WWOX: variants seen among roughly 807,000 people sequenced by gnomAD.
WWOX encodes the protein WW domain-containing oxidoreductase.
Under a neutral mutation model 46.2 loss-of-function variants are expected in WWOX, and 69 were observed. The observed-to-expected ratio is 1.49, with a 90% CI of 1.23 to 1.82. The LOEUF is 1.82. WWOX is among the 40% of genes most tolerant of loss of function. WWOX has a pLI of 0.00. For missense variants in WWOX, 919 were observed against 542.6 expected (o/e 1.69, Z -6.89); for synonymous variants, 359 against 202.6 (o/e 1.77, Z -6.56).
At chr16:78,169,168 C>G (rs1415878036) in intron 5 of WWOX, among the ~76,000 whole-genome samples, 2 of 152,268 alleles carry the variant, frequency 1.3e-5, no homozygotes, top group South Asian at 2.1e-4. Flanking sequence ...ACACTGGTGC[C>G]CTCACCTCTT....
intron 8 of WWOX, among the ~76,000 whole-genome samples, chr16:79,165,145 C>G (rs556375389): frequency 1.0e-5 from 1 of 99,990 alleles, no homozygotes; most frequent in Non-Finnish European, 1.9e-5. Context: ...CAGATTAAAA[C>G]GAAGGAAAAA....
intron 8 of WWOX, among the ~76,000 whole-genome samples, chr16:78,865,109 C>G (rs936763502): frequency 4.6e-5 from 7 of 151,956 alleles, no homozygotes; most frequent in Admixed American, 1.3e-4. Context: ...GTTAAACACC[C>G]TTATTAACAT....
chr16:78,899,851 A>G (rs957902594), intron 8 of WWOX, among the ~76,000 whole-genome samples: 3 of 152,164 alleles, frequency 2.0e-5, no homozygotes, highest in African/African-American at 7.2e-5. Flanking sequence ...ACTGGCTCCT[A>G]AGGTTCAGGT....
At chr16:79,125,417 A>G (rs1349280534) in intron 8 of WWOX, among the ~76,000 whole-genome samples, 1 of 152,208 alleles carries the variant, frequency 6.6e-6, no homozygotes, top group African/African-American at 2.4e-5. Context: ...GCCTTTGAAG[A>G]GAGTGCATTA....
chr16:79,094,042 A>T (rs1174510139), intron 8 of WWOX, among the ~76,000 whole-genome samples: 1 of 152,172 alleles, frequency 6.6e-6, no homozygotes, highest in African/African-American at 2.4e-5. Flanking sequence ...GGTCACTCAG[A>T]AGTAGTGGCA....
chr16:78,422,700 C>CACAT lies in WWOX; in HGVS notation c.606-2169_606-2168insCATA, dbSNP rs1265868420. Among the ~76,000 whole-genome samples the CACAT allele has an allele frequency of 5.4e-4, 22 of 40,410 alleles. 1 individual carries two copies. Among genetic ancestry groups the CACAT allele is most frequent in the East Asian group, 4.3e-3 (8 of 1,878 alleles). 26.5% of individuals were successfully genotyped at this position (40,410 alleles called of 152,430 possible). A position where few individuals can be genotyped will look rare whatever the true frequency, so the allele number is the denominator to read the frequency against. On this transcript the variant is annotated intron_variant, in intron 6 of 8. Transcript: ENST00000566780. ...ATATATATATACACACACACACACA[C>CACAT]ATATATATATACACACACACATATA...
chr16:78,524,742 A>G (rs183329538), intron 8 of WWOX, among the ~76,000 whole-genome samples: 24 of 151,672 alleles, frequency 1.6e-4, no homozygotes, highest in African/African-American at 5.3e-4. Context: ...TTAAGTAACA[A>G]AGTATTAGCA....
chr16:78,400,059 T>C (rs916954961), intron 6 of WWOX, among the ~76,000 whole-genome samples: 3 of 152,216 alleles, frequency 2.0e-5, no homozygotes, highest in Admixed American at 2.0e-4. Context: ...TTTTGAAGAA[T>C]CTATTGCATA....
chr16:78,939,623 A>C (rs2045811534), intron 8 of WWOX, among the ~76,000 whole-genome samples: 1 of 152,272 alleles, frequency 6.6e-6, no homozygotes, highest in African/African-American at 2.4e-5. Context: ...CACATGGTCA[A>C]ATTATTCAAT....
intron 8 of WWOX, among the ~76,000 whole-genome samples, chr16:79,163,814 A>AG (rs2050535898): frequency 4.1e-5 from 6 of 146,906 alleles, no homozygotes; most frequent in East Asian, 2.0e-4. Context: ...AAAAAAAAAA[A>AG]AAAGAGAGAG....
intron 5 of WWOX, among the ~76,000 whole-genome samples, chr16:78,251,678 A>C (rs1315511052): frequency 6.6e-6 from 1 of 152,174 alleles, no homozygotes; most frequent in Admixed American, 6.5e-5. Context: ...ATGCTTTGGG[A>C]ACACATGGTG....
At chr16:78,951,446 C>A (rs554365168) in intron 8 of WWOX, among the ~76,000 whole-genome samples, 68 of 152,148 alleles carry the variant, frequency 4.5e-4, no homozygotes, top group Non-Finnish European at 7.8e-4. Flanking sequence ...ATAAAGACCA[C>A]CTTAGAGCAT....
At position 78,719,246 on chromosome 16, in the gene WWOX, G is replaced by A. The variant is rs74029937; in HGVS notation, c.1056+286494G>A. On this transcript the variant is annotated intron_variant, in intron 8 of 8. Coordinates refer to ENST00000566780, the MANE Select transcript of WWOX (RefSeq NM_016373.4). ...GTGTTTAGCACACAGCCTGGCATAC[G>A]AACTTCCACACAAAACGGGTGACCA... Among the ~76,000 whole-genome samples the A allele has an allele frequency of 4.3e-3, 657 of 152,282 alleles. 3 individuals carry two copies. The highest frequency in any genetic ancestry group is 0.015 in the African/African-American group (604 of 41,562).
intron 8 of WWOX, among the ~76,000 whole-genome samples, chr16:78,807,563 A>T (rs903020951): frequency 6.6e-6 from 1 of 152,244 alleles, no homozygotes; most frequent in Non-Finnish European, 1.5e-5. Context: ...ACCTGATTCA[A>T]ATGTGGCAAA....
At chr16:78,458,494 C>T (rs1026330287) in intron 8 of WWOX, among the ~76,000 whole-genome samples, 3 of 152,056 alleles carry the variant, frequency 2.0e-5, no homozygotes, top group Non-Finnish European at 4.4e-5. Context: ...CTCCTGTGCT[C>T]AAGCCATCCT....
chr16:78,745,874 T>C (rs779870341), intron 8 of WWOX, among the ~76,000 whole-genome samples: 1 of 133,452 alleles, frequency 7.5e-6, no homozygotes, highest in Non-Finnish European at 1.7e-5. Context: ...AAAAGCACAT[T>C]GTATTTTAAT....
chr16:78,254,506 T>TTTTTTTG lies in WWOX; in HGVS notation c.516+90223_516+90224insGTTTTTT, dbSNP rs2038074394. Among the ~76,000 whole-genome samples the TTTTTTTG allele has an allele frequency of 2.9e-5, 3 of 102,952 alleles. 1 individual carries two copies. The South Asian group carries it at 8.7e-4, about 30-fold the overall frequency. The allele number at this position is 102,952 out of a possible 152,430, so 67.5% of individuals were successfully genotyped here. ...TTTCTTTTTCTTTTCTTTCTTGTTT[T>TTTTTTTG]TTTTTTTTTTTTTGTTTGACACAGG... On this transcript the variant is annotated intron_variant, in intron 5 of 8. Coordinates refer to ENST00000566780, the MANE Select transcript of WWOX (RefSeq NM_016373.4).
chr16:79,071,655 C>G (rs1041434136), intron 8 of WWOX, among the ~76,000 whole-genome samples: 2 of 152,372 alleles, frequency 1.3e-5, no homozygotes, highest in African/African-American at 4.8e-5. Flanking sequence ...TGCTAAACCA[C>G]TCTTGGGTCT....
At position 78,977,932 on chromosome 16, in the gene WWOX, A is replaced by G. The variant is rs538464419; in HGVS notation, c.1057-233676A>G. Among the ~76,000 whole-genome samples the G allele has an allele frequency of 7.2e-5, 11 of 152,288 alleles. No homozygotes were observed. In the South Asian group the frequency reaches 1.9e-3, roughly 26 times the overall value. ...AATATAAGATTAACCATTTCAAAGT[A>G]GACAGTTCAATAGCAGTACATTCAC... On this transcript the variant is annotated intron_variant, in intron 8 of 8. Coordinates refer to ENST00000566780, the MANE Select transcript of WWOX (RefSeq NM_016373.4).
Sources: gnomAD v4.1 joint callset for allele counts (sites outside exome capture counted in the v4.1 genomes callset) on GRCh38, gnomAD v4.1.1 for gene constraint, MANE v1.5 for transcripts, NCBI Gene and HGNC (gene_info 2026-07-23, HGNC 2026-07-21) for gene names.